Variants in HOOK2 observed in about 807,000 individuals in gnomAD.
HOOK2 encodes the protein protein Hook homolog 2.
A neutral mutation model predicts 111.9 loss-of-function variants in HOOK2; 108 were observed. The observed-to-expected ratio is 0.96, with a 90% CI of 0.83 to 1.13. The LOEUF is 1.13. Among genes scored for constraint, HOOK2 ranks in the 50% most tolerant of loss-of-function variants. The pLI is 0.00. For missense variants in HOOK2, 978 were observed against 951.3 expected (o/e 1.03, Z -0.37); for synonymous variants, 405 against 394.3 (o/e 1.03, Z -0.32).
intron 3 of HOOK2, chr19:12,774,351 C>A: frequency 5.0e-6 from 2 of 402,486 alleles, no homozygotes; most frequent in Admixed American, 3.7e-5. Flanking sequence ...GGTGATCCAC[C>A]CACTTTAGCC....
upstream of HOOK2, among the ~76,000 whole-genome samples, chr19:12,777,187 TAAAA>T (rs1357827578): frequency 6.8e-6 from 1 of 147,848 alleles, no homozygotes; most frequent in African/African-American, 2.5e-5. Context: ...TAAAATAAAA[TAAAA>T]TGCCTGGCGC....
In HOOK2 at chr19:12,790,967, T is replaced by C. The variant is rs548212142; in HGVS notation, n.42-16742A>G. 6.6e-6 allele frequency among the ~76,000 whole-genome samples: 1 copy of C among 152,306 alleles called. No individual in the cohort carries two copies. The highest frequency in any genetic ancestry group is 1.9e-4 in the East Asian group (1 of 5,176). Reference sequence around the variant, plus strand: ...TGAAAATTCCAGTCCCGCATCCTTCTGAGCCCGGGACCCCCAGTCAATTCC... The same window carrying C: ...TGAAAATTCCAGTCCCGCATCCTTCCGAGCCCGGGACCCCCAGTCAATTCC... On this transcript the variant is annotated intron_variant and non_coding_transcript_variant, in intron 3 of 3. Transcript: ENST00000589765. This position sits in a 1 kb window ranked among gnomAD's most constrained non-coding sequence, Gnocchi z 7.2.
rs761835142 is a variant in HOOK2, at chr19:12,765,830, A to G, written c.1604T>C (p.Ile535Thr). 7.4e-6 allele frequency: 12 copies of G among 1,611,148 alleles called. No individual in the cohort carries two copies. Among genetic ancestry groups the G allele is most frequent in the Admixed American group, 3.3e-5 (2 of 59,958 alleles). Residue 535 changes from isoleucine to threonine, a missense_variant and splice_region_variant, in exon 17 of 23, where the codon ATT becomes ACT. Transcript: ENST00000397668. The part of the protein sequence containing the change: ...QEQGGKTEDA[I>T]SILLKRKLEE... ...CCATCCTGGGCCCATGGTACTTACAATGGCCTGTATGGGGCATCGGGCAGC... is the reference window on the plus strand; with the variant it reads ...CCATCCTGGGCCCATGGTACTTACAGTGGCCTGTATGGGGCATCGGGCAGC...
At chr19:12,769,688 G>A (rs1175478500) in intron 11 of HOOK2, among the ~76,000 whole-genome samples, 193 bp downstream of exon 11, 2 of 152,228 alleles carry the variant, frequency 1.3e-5, no homozygotes, top group African/African-American at 4.8e-5. Flanking sequence ...TTAGAGGAGC[G>A]GTACTTAAGG....
chr19:12,771,296 C>T lies in HOOK2; in HGVS notation c.624G>A (p.Lys208=). 1 of 1,603,900 alleles carries T rather than the reference C, an allele frequency of 6.2e-7. No homozygotes were observed. The highest frequency in any genetic ancestry group is 8.5e-7 in the Non-Finnish European group (1 of 1,174,802). ...ERQLMLLSEE[K]QSLAQENAGL... is the part of the protein sequence containing the mutation. Reference sequence around the variant, plus strand: ...CTGCATTCTCTTGCGCCAGGCTCTGCTTCTCCTCTGACAGGAGCATCAGCT... The same window carrying T: ...CTGCATTCTCTTGCGCCAGGCTCTGTTTCTCCTCTGACAGGAGCATCAGCT... The change falls in exon 9 of 23, where the codon AAG becomes AAA. Residue 208 remains lysine (K), a synonymous_variant. Coordinates refer to ENST00000397668, the MANE Select transcript of HOOK2 (RefSeq NM_013312.3).
intron 3 of HOOK2, chr19:12,774,159 G>A (rs1968424183): frequency 1.2e-5 from 2 of 165,954 alleles, no homozygotes; most frequent in Admixed American, 5.7e-5. Flanking sequence ...AGGCTGGAGT[G>A]CAATGGCTCA....
rs921562252 is a variant in HOOK2 at position 12,791,215 on chromosome 19, C to T, written n.42-16990G>A. Among the ~76,000 whole-genome samples, 3 of 152,330 alleles carry T rather than the reference C, an allele frequency of 2.0e-5. No homozygotes were observed. The highest frequency in any genetic ancestry group is 4.4e-5 in the Non-Finnish European group (3 of 68,018). On this transcript the variant is annotated intron_variant and non_coding_transcript_variant, in intron 3 of 3. Transcript: ENST00000589765. The surrounding 1 kb of genome is among the most constrained non-coding windows in gnomAD (Gnocchi z 7.0). ...GAAATCATCCTCCTCCCTGAAACCC[C>T]TCACTCATGTGCCTGGGCCCCCCAG...
chr19:12,770,153 C>A, intron 10 of HOOK2, 71 bp from the exon 11 acceptor site: 1 of 1,317,822 alleles, frequency 7.6e-7, no homozygotes, highest in Non-Finnish European at 1.0e-6. Flanking sequence ...TGGAGTGGCC[C>A]TTGGAGCACA....
chr19:12,774,638 T>C (rs1432655536), intron 3 of HOOK2, 31 bp downstream of exon 3: 2 of 1,611,320 alleles, frequency 1.2e-6, no homozygotes, highest in Non-Finnish European at 8.5e-7. Context: ...TCTTCACCAG[T>C]CTGTCCTCTA....
At chr19:12,777,162 ATAAATAAAAT>A (rs1430970169), upstream of HOOK2, among the ~76,000 whole-genome samples, 1 of 131,938 alleles carries the variant, frequency 7.6e-6, no homozygotes, top group Non-Finnish European at 1.7e-5. Context: ...CTCAAAAAAA[ATAAATAAAAT>A]AAAATAAAAT....
upstream of HOOK2, among the ~76,000 whole-genome samples, chr19:12,782,535 C>T (rs1247792810): frequency 6.6e-6 from 1 of 152,204 alleles, no homozygotes; most frequent in Non-Finnish European, 1.5e-5. Context: ...GTTGCGGGGG[C>T]GCGTGCGTCG....
chr19:12,777,142 G>A (rs185130886), upstream of HOOK2, among the ~76,000 whole-genome samples: 1 of 150,770 alleles, frequency 6.6e-6, no homozygotes, highest in East Asian at 2.0e-4. Flanking sequence ...GGGCGACAGA[G>A]TGAGACTGTC....
At chr19:12,788,199 G>C (rs1968674343) in intron 3 of HOOK2, among the ~76,000 whole-genome samples, 1 of 152,190 alleles carries the variant, frequency 6.6e-6, no homozygotes, top group Non-Finnish European at 1.5e-5. Context: ...AGACAGCTTG[G>C]ATTATATCTC....
In HOOK2 at chr19:12,769,961, C is replaced by A; in HGVS notation, c.1024G>T (p.Ala342Ser). Residue 342 changes from alanine (A) to serine (S), a missense_variant, in exon 11 of 23, where the codon GCC (alanine) becomes TCC (serine). Ala to Ser is a moderately conservative substitution (Grantham distance 99, BLOSUM62 1). Coordinates refer to ENST00000397668, the MANE Select transcript of HOOK2 (RefSeq NM_013312.3). ...TCCTCCAGTTGTCGCGTGCGCTCGG[C>A]GTGGCCGGCGTTGCGTTCCTCCAGC... ...RQLEERNAGH[A>S]ERTRQLEDEL... 6.4e-7 allele frequency: 1 copy of A among 1,553,392 alleles called. No homozygotes were observed. Among genetic ancestry groups the A allele is most frequent in the Non-Finnish European group, 8.6e-7 (1 of 1,156,220 alleles).
chr19:12,763,684 C>A lies in HOOK2; in HGVS notation c.1922G>T (p.Arg641Leu), dbSNP rs752054044. The A allele has an allele frequency of 1.2e-6, 2 of 1,614,028 alleles. No individual in the cohort carries two copies. The highest frequency in any genetic ancestry group is 1.3e-5 in the African/African-American group (1 of 74,940). Residue 641 changes from arginine to leucine, a missense_variant, in exon 21 of 23, where the codon CGC becomes CTC. Physicochemically the swap from Arg to Leu is moderately radical, Grantham distance 102 (BLOSUM62 -2). Transcript: ENST00000397668. Reference sequence around the variant, plus strand: ...GACACCCACCTCCAGGTGTCGGATGCGGACATCCCGTTCTCGGAGCTGTGT... The same window carrying A: ...GACACCCACCTCCAGGTGTCGGATGAGGACATCCCGTTCTCGGAGCTGTGT... Reference protein sequence around the residue: ...LRTQLRERDVRIRHLEMDFEK... With the variant: ...LRTQLRERDVLIRHLEMDFEK...
rs201748160 is a variant in HOOK2, at chr19:12,774,680, A to T, written c.193T>A (p.Trp65Arg). ...QGISEDPGPNWKLKVSNLKMV... is the reference protein window; with the variant it reads ...QGISEDPGPNRKLKVSNLKMV... ...AGTCCACTTGTCACCTTCAGCTTCC[A>T]GTTGGGACCTGGATCTTCCGAGATG... Residue 65 changes from tryptophan to arginine, a missense_variant, in exon 3 of 23, where the codon TGG becomes AGG. Around this residue, in one of 5 missense-constraint regions of HOOK2, gnomAD observed 301 missense variants for 286.1 expected, o/e 1.05. Transcript: ENST00000397668. The T allele has an allele frequency of 3.1e-6, 5 of 1,613,996 alleles. No homozygotes were observed. The highest frequency in any genetic ancestry group is 8.5e-7 in the Non-Finnish European group (1 of 1,179,982).
intron 7 of HOOK2, 40 bp downstream of exon 7, chr19:12,772,150 G>A: frequency 1.4e-6 from 2 of 1,466,124 alleles, no homozygotes; most frequent in Non-Finnish European, 1.9e-6. Flanking sequence ...TGGATTTGCT[G>A]ATCCCTGTGC....
intron 18 of HOOK2, 108 bp from the exon 19 acceptor site, chr19:12,765,189 C>T: frequency 9.5e-7 from 1 of 1,054,276 alleles, no homozygotes; most frequent in Middle Eastern, 2.0e-4. Flanking sequence ...CCTACATGGC[C>T]ACAGAGCCCT....
intron 18 of HOOK2, 97 bp downstream of exon 18, chr19:12,765,593 T>C: frequency 6.7e-7 from 1 of 1,485,258 alleles, no homozygotes; most frequent in South Asian, 1.1e-5. Context: ...ACTAAAAATA[T>C]AAAAAATCAG....
Sources: gnomAD v4.1 joint callset for allele counts (sites outside exome capture counted in the v4.1 genomes callset) on GRCh38, gnomAD v4.1.1 for gene constraint, gnomAD v4.1.1 regional missense constraint, Gnocchi (gnomAD v3.1) non-coding constraint, MANE v1.5 for transcripts, NCBI Gene and HGNC (gene_info 2026-07-23, HGNC 2026-07-21) for gene names.